The following PPHLN1 variants were observed in gnomAD, a reference collection of about 807,000 sequenced individuals.
PPHLN1 encodes periphilin 1.
PPHLN1 carries 29 observed loss-of-function variants against 51.3 expected under a neutral mutation model. The observed-to-expected ratio is 0.57, with a 90% CI of 0.42 to 0.77. The LOEUF is 0.77. Among genes scored for constraint, PPHLN1 ranks in the 30% least tolerant of loss-of-function variants. The probability of loss-of-function intolerance (pLI) is 0.00; values close to 1 mark genes in which losing one functional copy is unlikely to be tolerated. For synonymous variants in PPHLN1, 147 were observed against 147.8 expected, an observed-to-expected ratio of 0.99 and a Z score of 0.04; for missense variants, 436 against 438.4, an observed-to-expected ratio of 0.99 and a Z score of 0.05.
At chr12:42,352,200 G>T in intron 3 of PPHLN1, 151 bp downstream of exon 3, 3 of 677,008 alleles carry the variant, frequency 4.4e-6, no homozygotes, top group Non-Finnish European at 6.4e-6. Context: ...GCTGTCAGAT[G>T]GGACCTAATA....
intron 2 of PPHLN1, among the ~76,000 whole-genome samples, chr12:42,348,551 G>A (rs11181451): frequency 0.16 from 24,711 of 152,008 alleles, 2,063 homozygotes; most frequent in Admixed American, 0.2. Flanking sequence ...ACAATCCCCA[G>A]ATAACTTTCT....
chr12:42,400,840 G>A (rs544671467), intron 9 of PPHLN1, among the ~76,000 whole-genome samples: 3 of 145,336 alleles, frequency 2.1e-5, no homozygotes, highest in Non-Finnish European at 3.0e-5. Context: ...ACACGTGCAC[G>A]CAAGTGGCTA....
intron 2 of PPHLN1, chr12:42,343,973 G>A: frequency 2.7e-6 from 1 of 366,322 alleles, no homozygotes; most frequent in Non-Finnish European, 5.2e-6. Flanking sequence ...TCAGAGTTAG[G>A]AAATTACAAG....
intron 9 of PPHLN1, among the ~76,000 whole-genome samples, chr12:42,411,982 G>A (rs930313115): frequency 2.7e-5 from 4 of 150,058 alleles, no homozygotes; most frequent in South Asian, 2.1e-4. Flanking sequence ...CGAGGCAGGC[G>A]GATCACGAGG....
intron 9 of PPHLN1, among the ~76,000 whole-genome samples, chr12:42,434,683 T>C (rs1449868290): frequency 6.6e-6 from 1 of 152,128 alleles, no homozygotes; most frequent in Admixed American, 6.6e-5. Flanking sequence ...TTACTGTTTC[T>C]TTATGTTTTT....
intron 3 of PPHLN1, among the ~76,000 whole-genome samples, chr12:42,353,118 A>G (rs2073601050): frequency 6.6e-6 from 1 of 152,062 alleles, no homozygotes; most frequent in African/African-American, 2.4e-5. Flanking sequence ...TGCTATTATT[A>G]CTATTACAAC....
chr12:42,367,647 C>T (rs1266133472), intron 4 of PPHLN1, among the ~76,000 whole-genome samples: 3 of 152,012 alleles, frequency 2.0e-5, no homozygotes, highest in Admixed American at 6.6e-5. Flanking sequence ...GAATTATCTT[C>T]GTATCGTTTG....
intron 5 of PPHLN1, among the ~76,000 whole-genome samples, chr12:42,377,027 G>A (rs918854203): frequency 2.0e-5 from 3 of 151,928 alleles, no homozygotes; most frequent in African/African-American, 7.3e-5. Context: ...CCTGCAGGCC[G>A]CGTGCAGCCC....
chr12:42,344,668 A>G (rs919855240), intron 2 of PPHLN1, among the ~76,000 whole-genome samples: 2 of 151,130 alleles, frequency 1.3e-5, no homozygotes, highest in African/African-American at 4.9e-5. Flanking sequence ...AATTCATACA[A>G]TTTTTACCTA....
At chr12:42,431,427 C>CT (rs995697569) in intron 9 of PPHLN1, among the ~76,000 whole-genome samples, 10 of 151,992 alleles carry the variant, frequency 6.6e-5, no homozygotes, top group Non-Finnish European at 1.3e-4. Flanking sequence ...TAGCCAGCAA[C>CT]TTTTTTTTAA....
chr12:42,350,693 G>A (rs193114223), intron 2 of PPHLN1, among the ~76,000 whole-genome samples: 6 of 152,290 alleles, frequency 3.9e-5, no homozygotes, highest in Non-Finnish European at 7.4e-5. Flanking sequence ...TTGAGTGAGC[G>A]AGACTCTGTC....
At chr12:42,349,557 T>TTCC (rs1263364742) in intron 2 of PPHLN1, among the ~76,000 whole-genome samples, 178 of 151,188 alleles carry the variant, frequency 1.2e-3, no homozygotes, top group African/African-American at 4.3e-3. Context: ...CCCTGCGGCC[T>TTCC]TCCGCAGTGT....
At chr12:42,337,743 C>A (rs948713069) in intron 2 of PPHLN1, among the ~76,000 whole-genome samples, 3 of 126,176 alleles carry the variant, frequency 2.4e-5, no homozygotes, top group Admixed American at 1.7e-4. Context: ...TGCCACCATA[C>A]CTGGCTATTT....
rs140670719 is a variant in PPHLN1 at position 42,399,010 on chromosome 12, T to A, written c.909+16T>A. The A allele has an allele frequency of 1.1e-5, 17 of 1,607,766 alleles. No homozygotes were observed. The African/African-American group carries it at 2.0e-4, about 19-fold the overall frequency. On this transcript the variant is annotated intron_variant, in intron 9 of 9. Transcript: ENST00000358314. Reference sequence around the variant, plus strand: ...GATTGAACAGGTGAGAGTCTAGTTGTCTTCATGTACATAATTTTTGTTTGT... The same window carrying A: ...GATTGAACAGGTGAGAGTCTAGTTGACTTCATGTACATAATTTTTGTTTGT...
rs561860337 is a variant in PPHLN1 at position 42,330,988 on chromosome 12, C to T, written c.-21+4759C>T. On this transcript the variant is annotated intron_variant, in intron 1 of 9. Coordinates refer to ENST00000358314, the MANE Select transcript of PPHLN1 (RefSeq NM_201439.2). Reference sequence around the variant, plus strand: ...CCTCCCAAAGTGCTGGGATTACAGGCGTGAGCCACCGTGCCCAGCCATGGT... The same window carrying T: ...CCTCCCAAAGTGCTGGGATTACAGGTGTGAGCCACCGTGCCCAGCCATGGT... Among the ~76,000 whole-genome samples, 8 of 152,322 alleles carry T rather than the reference C, an allele frequency of 5.3e-5. 1 individual carries two copies. The South Asian group carries it at 8.3e-4, about 16-fold the overall frequency.
At chr12:42,363,340 A>AT (rs72020180) in intron 4 of PPHLN1, among the ~76,000 whole-genome samples, 8 of 129,812 alleles carry the variant, frequency 6.2e-5, no homozygotes, top group African/African-American at 1.3e-4. Flanking sequence ...TTAAAAAAAA[A>AT]TTTTTTTTGT....
intron 1 of PPHLN1, among the ~76,000 whole-genome samples, chr12:42,335,580 G>A (rs184191906): frequency 1.3e-5 from 2 of 151,826 alleles, no homozygotes; most frequent in East Asian, 1.9e-4. Flanking sequence ...GAATGAAGAA[G>A]TATTTGTGGT....
intron 4 of PPHLN1, among the ~76,000 whole-genome samples, chr12:42,362,527 CTTCTT>C (rs372794883): frequency 7.2e-5 from 11 of 152,302 alleles, no homozygotes; most frequent in African/African-American, 2.6e-4. Flanking sequence ...GTTTCAGTCT[CTTCTT>C]AGGCTTCTCT....
intron 5 of PPHLN1, among the ~76,000 whole-genome samples, chr12:42,378,144 CTTT>C (rs2076460364): frequency 9.1e-6 from 1 of 109,956 alleles, no homozygotes; most frequent in Non-Finnish European, 2.0e-5. Flanking sequence ...TTCTTTCTTT[CTTT>C]CTTTCAAGTT....
Sources: allele counts gnomAD v4.1 joint callset (sites outside exome capture counted in the v4.1 genomes callset), GRCh38; gene constraint gnomAD v4.1.1; transcripts MANE v1.5; gene names NCBI Gene and HGNC (gene_info 2026-07-23, HGNC 2026-07-21).